CADM2: variants seen among roughly 807,000 people sequenced by gnomAD.
CADM2 encodes the protein cell adhesion molecule 2.
CADM2 carries 12 observed loss-of-function variants against 49.8 expected under a neutral mutation model. The observed-to-expected ratio is 0.24, with a 90% CI of 0.15 to 0.39. The LOEUF (loss-of-function observed/expected upper bound fraction) is 0.39, where lower values mean the gene tolerates loss of function less well. CADM2 is among the 10% of genes least tolerant of loss of function. The pLI is 1.00. For missense variants in CADM2, 378 were observed against 492.3 expected (o/e 0.77, Z 2.20); for synonymous variants, 214 against 175.4 (o/e 1.22, Z -1.74).
intron 1 of CADM2, among the ~76,000 whole-genome samples, chr3:85,490,920 C>T (rs907426288): frequency 6.6e-6 from 1 of 151,150 alleles, no homozygotes; most frequent in Non-Finnish European, 1.5e-5. Context: ...AGAAGAAAAC[C>T]ACTTACAGGC....
chr3:85,770,952 T>A (rs2107951060), intron 2 of CADM2, among the ~76,000 whole-genome samples: 1 of 152,308 alleles, frequency 6.6e-6, no homozygotes, highest in Admixed American at 6.5e-5. Flanking sequence ...TGTCTGGACT[T>A]CGTCGTCTGT....
chr3:85,696,327 G>C (rs529755989), intron 1 of CADM2, among the ~76,000 whole-genome samples: 2 of 152,000 alleles, frequency 1.3e-5, no homozygotes, highest in Non-Finnish European at 2.9e-5. Context: ...TTCCTAGTTA[G>C]AATTTCTTTG....
At chr3:85,371,929 A>G (rs1330904724) in intron 1 of CADM2, among the ~76,000 whole-genome samples, 3 of 151,486 alleles carry the variant, frequency 2.0e-5, no homozygotes, top group Admixed American at 6.6e-5. Context: ...AAAAACTTAG[A>G]CTTGGTAGAT....
intron 5 of CADM2, among the ~76,000 whole-genome samples, chr3:85,906,741 T>C (rs1246394708): frequency 6.6e-6 from 1 of 152,210 alleles, no homozygotes; most frequent in Non-Finnish European, 1.5e-5. Flanking sequence ...ACTTTAAAGT[T>C]ATACAATGTA....
chr3:85,932,631 G>A (rs1399002309), intron 6 of CADM2, among the ~76,000 whole-genome samples: 1 of 152,050 alleles, frequency 6.6e-6, no homozygotes, highest in African/African-American at 2.4e-5. Flanking sequence ...GGCAGGGAGG[G>A]GGTTGAGGAA....
At position 85,770,215 on chromosome 3, in the gene CADM2, T is replaced by A. The variant is rs142166279; in HGVS notation, c.89-31832T>A. Among the ~76,000 whole-genome samples, 541 of 152,162 alleles carry A rather than the reference T, an allele frequency of 3.6e-3. 6 individuals carry two copies. Among genetic ancestry groups the A allele is most frequent in the Admixed American group, 0.019 (289 of 15,258 alleles). ...GTCATTTCTAGACCAAAACCCCAAT[T>A]CTATGTGCTTATTTGAGAGGGAGTC... On this transcript the variant is annotated intron_variant, in intron 2 of 9. Transcript: ENST00000383699.
At position 85,637,616 on chromosome 3, in the gene CADM2, A is replaced by ATAAAAT. The variant is rs5850706; in HGVS notation, c.62-88906_62-88905insTAAAAT. ...AGAGCGAGACTCCGTCTCAAAAAAA[A>ATAAAAT]AAAAAAAAATAAAATAAAATAAATA... On this transcript the variant is annotated intron_variant, in intron 1 of 9. Coordinates refer to ENST00000383699, the MANE Select transcript of CADM2 (RefSeq NM_001167675.2). Among the ~76,000 whole-genome samples the ATAAAAT allele has an allele frequency of 5.9e-3, 567 of 96,056 alleles. 11 individuals are homozygous for ATAAAAT. The highest frequency in any genetic ancestry group is 0.022 in the African/African-American group (444 of 19,930). The allele number at this position is 96,056 out of a possible 152,430, so 63.0% of individuals were successfully genotyped here.
chr3:85,132,588 T>C (rs138085430), intron 1 of CADM2, among the ~76,000 whole-genome samples: 3 of 148,250 alleles, frequency 2.0e-5, no homozygotes, highest in African/African-American at 7.8e-5. Context: ...AATTAATCCA[T>C]TACATAAATT....
intron 1 of CADM2, among the ~76,000 whole-genome samples, chr3:85,159,008 A>C (rs1576009631): frequency 6.6e-6 from 1 of 151,122 alleles, no homozygotes; most frequent in Non-Finnish European, 1.5e-5. Flanking sequence ...TTTACAGCAG[A>C]AGAAGTTATA....
intron 1 of CADM2, among the ~76,000 whole-genome samples, chr3:84,993,992 A>C (rs1467402124): frequency 2.0e-5 from 3 of 152,316 alleles, no homozygotes; most frequent in Non-Finnish European, 4.4e-5. Context: ...AAATTAGTGT[A>C]AGCTCAGGAC....
At chr3:85,672,240 C>A (rs1337205572) in intron 1 of CADM2, among the ~76,000 whole-genome samples, 1 of 148,940 alleles carries the variant, frequency 6.7e-6, no homozygotes, top group African/African-American at 2.5e-5. Flanking sequence ...TCGCCCAGGC[C>A]AGAGTGCAGT....
intron 1 of CADM2, among the ~76,000 whole-genome samples, chr3:85,550,921 A>G (rs1172511911): frequency 6.6e-6 from 1 of 151,908 alleles, no homozygotes; most frequent in Non-Finnish European, 1.5e-5. Flanking sequence ...CGTATTTTTT[A>G]CTTCTTTACT....
chr3:85,241,147 A>G (rs1340736682), intron 1 of CADM2, among the ~76,000 whole-genome samples: 1 of 151,408 alleles, frequency 6.6e-6, no homozygotes, highest in East Asian at 1.9e-4. Flanking sequence ...GACTTAACCT[A>G]CTCCCGAGAT....
At chr3:85,885,368 C>T (rs944012482) in intron 4 of CADM2, among the ~76,000 whole-genome samples, 8 of 150,940 alleles carry the variant, frequency 5.3e-5, no homozygotes, top group South Asian at 2.1e-4. Context: ...GAAACCCCAT[C>T]TCTACTAAAA....
At chr3:85,735,416 G>A (rs2068095273) in intron 2 of CADM2, among the ~76,000 whole-genome samples, 3 of 152,130 alleles carry the variant, frequency 2.0e-5, no homozygotes, top group African/African-American at 7.2e-5. Flanking sequence ...GCATGAGCCT[G>A]GGACAGTATG....
intron 1 of CADM2, among the ~76,000 whole-genome samples, chr3:85,449,361 T>G (rs2037642921): frequency 6.6e-6 from 1 of 152,038 alleles, no homozygotes; most frequent in Non-Finnish European, 1.5e-5. Flanking sequence ...TTATTCCTTT[T>G]TTTAAGTCAA....
chr3:85,820,098 G>C (rs558412897), intron 3 of CADM2, among the ~76,000 whole-genome samples: 13 of 152,174 alleles, frequency 8.5e-5, no homozygotes, highest in Admixed American at 7.2e-4. Context: ...CAGAAGTAAA[G>C]ACACTCTGAG....
chr3:85,878,543 T>G (rs1712257805), intron 3 of CADM2, among the ~76,000 whole-genome samples: 1 of 152,088 alleles, frequency 6.6e-6, no homozygotes, highest in Non-Finnish European at 1.5e-5. Flanking sequence ...AAAATGTCAT[T>G]GTAGATGTAT....
chr3:86,010,260 T>C (rs1731334732), intron 8 of CADM2, among the ~76,000 whole-genome samples: 1 of 151,964 alleles, frequency 6.6e-6, no homozygotes, highest in Admixed American at 6.6e-5. Flanking sequence ...GTAGATCTGA[T>C]AGATGTACAT....
Sources: gnomAD v4.1 joint callset for allele counts (sites outside exome capture counted in the v4.1 genomes callset) on GRCh38, gnomAD v4.1.1 for gene constraint, MANE v1.5 for transcripts, NCBI Gene and HGNC (gene_info 2026-07-23, HGNC 2026-07-21) for gene names.